CFAP54: variants seen among roughly 807,000 people sequenced by gnomAD.
CFAP54 encodes the protein cilia- and flagella-associated protein 54.
Under a neutral mutation model 370.4 loss-of-function variants are expected in CFAP54, and 290 were observed. The ratio of observed to expected loss-of-function variants is 0.78; its 90% CI spans 0.71 to 0.86. The LOEUF (loss-of-function observed/expected upper bound fraction) is 0.86, where lower values mean the gene tolerates loss of function less well. Among genes scored for constraint, CFAP54 ranks in the 40% least tolerant of loss-of-function variants. The pLI is 0.00. For missense variants in CFAP54, 3,399 were observed against 3,528.7 expected (o/e 0.96, Z 0.93); for synonymous variants, 1,206 against 1,236.5 (o/e 0.98, Z 0.52).
intron 19 of CFAP54, among the ~76,000 whole-genome samples, chr12:96,566,354 A>G (rs530606226): frequency 1.3e-5 from 2 of 152,284 alleles, no homozygotes; most frequent in East Asian, 3.9e-4. Context: ...GGCCAGCATC[A>G]CTAAGTTCTA....
intron 50 of CFAP54, among the ~76,000 whole-genome samples, chr12:96,727,858 T>G (rs1453705366): frequency 1.3e-5 from 2 of 151,620 alleles, no homozygotes; most frequent in South Asian, 2.1e-4. Context: ...AGGAGCTCTT[T>G]TAGGGCAGGC....
In CFAP54 at chr12:96,664,799, A is replaced by ATG. The variant is rs1565934601; in HGVS notation, c.5563+868_5563+869insGT. Among the ~76,000 whole-genome samples the ATG allele has an allele frequency of 0.012, 304 of 25,084 alleles. 41 individuals are homozygous for ATG. In the South Asian group the frequency reaches 0.22, roughly 18 times the overall value. The allele number at this position is 25,084 out of a possible 152,430, so 16.5% of individuals were successfully genotyped here. ...TATCTATATATATATATATATATAT[A>ATG]TATATATATATATAGATATATATAT... On this transcript the variant is annotated intron_variant, in intron 39 of 67. Transcript: ENST00000524981.
intron 50 of CFAP54, among the ~76,000 whole-genome samples, chr12:96,733,058 A>G (rs183027065): frequency 1.4e-3 from 218 of 152,354 alleles, no homozygotes; most frequent in Non-Finnish European, 1.2e-3. Flanking sequence ...AAGGACTGTC[A>G]TAATAGAACT....
chr12:96,614,474 C>T (rs1447302736), intron 26 of CFAP54, among the ~76,000 whole-genome samples: 1 of 152,228 alleles, frequency 6.6e-6, no homozygotes, highest in African/African-American at 2.4e-5. Flanking sequence ...TGCCCTCTCT[C>T]ACCACACCTA....
chr12:96,572,935 A>G, intron 19 of CFAP54: 1 of 985,462 alleles, frequency 1.0e-6, no homozygotes, highest in South Asian at 4.7e-5. Context: ...AGAAGATGCA[A>G]GAATTAAGTC....
chr12:96,810,044 G>A (rs913465984), intron 63 of CFAP54, among the ~76,000 whole-genome samples: 5 of 152,098 alleles, frequency 3.3e-5, no homozygotes, highest in African/African-American at 9.7e-5. Flanking sequence ...GTTCAGCCGG[G>A]AGAGAGGAGG....
chr12:96,664,675 T>A (rs1957038919), intron 39 of CFAP54, among the ~76,000 whole-genome samples: 6 of 129,016 alleles, frequency 4.7e-5, no homozygotes, highest in African/African-American at 9.3e-5. Flanking sequence ...ATAGAACAAT[T>A]TATATTCCTT....
chr12:96,652,338 C>G (rs1263426973), intron 36 of CFAP54, among the ~76,000 whole-genome samples: 1 of 152,160 alleles, frequency 6.6e-6, no homozygotes, highest in Non-Finnish European at 1.5e-5. Context: ...CATGTTGTGC[C>G]ATGAGGCTTA....
At chr12:96,574,336 T>C (rs1249712017) in intron 19 of CFAP54, among the ~76,000 whole-genome samples, 3 of 152,074 alleles carry the variant, frequency 2.0e-5, no homozygotes, top group African/African-American at 7.2e-5. Flanking sequence ...GACAGACATA[T>C]TGTCTTTTCA....
chr12:96,704,502 T>TATATATA (rs1957527408), intron 46 of CFAP54, among the ~76,000 whole-genome samples: 1 of 100,440 alleles, frequency 1.0e-5, no homozygotes, highest in Non-Finnish European at 2.1e-5. Context: ...ATATATATAT[T>TATATATA]TAAAATACAT....
At chr12:96,723,994 C>A (rs1453114284) in intron 50 of CFAP54, among the ~76,000 whole-genome samples, 1 of 151,928 alleles carries the variant, frequency 6.6e-6, no homozygotes, top group Non-Finnish European at 1.5e-5. Context: ...CATGTCCCTA[C>A]AAAGGACATG....
chr12:96,592,781 A>T, intron 24 of CFAP54, 144 bp downstream of exon 24: 1 of 336,366 alleles, frequency 3.0e-6, no homozygotes. Flanking sequence ...ACTTTATGTG[A>T]TATTTCATAT....
chr12:96,837,528 T>C (rs1391603993), intron 66 of CFAP54, among the ~76,000 whole-genome samples: 2 of 152,268 alleles, frequency 1.3e-5, no homozygotes, highest in African/African-American at 2.4e-5. Context: ...ATTTGTCTCC[T>C]GTATAAGTGC....
At position 96,757,599 on chromosome 12, in the gene CFAP54, AT is replaced by A; in HGVS notation, c.8040+15del. On this transcript the variant is annotated intron_variant, in intron 58 of 67. Coordinates refer to ENST00000524981, the MANE Select transcript of CFAP54 (RefSeq NM_001306084.2). The stretch of plus-strand genomic sequence containing the variant: ...CCATTAACACTTAAGGTAAGAGTCT[AT>A]TTTATTAGAAATTATGAGTTAATTG... 6.7e-7 allele frequency: 1 copy of A among 1,498,964 alleles called. No homozygotes were observed. Among genetic ancestry groups the A allele is most frequent in the Non-Finnish European group, 9.2e-7 (1 of 1,089,848 alleles). The allele number at this position is 1,498,964 out of a possible 1,614,324, so 92.9% of individuals were successfully genotyped here.
intron 4 of CFAP54, among the ~76,000 whole-genome samples, 169 bp downstream of exon 4, chr12:96,507,268 T>G (rs999774178): frequency 2.6e-5 from 4 of 152,302 alleles, no homozygotes; most frequent in Non-Finnish European, 4.4e-5. Context: ...TAAATTGGGA[T>G]GGATAAAGCA....
At chr12:96,519,971 C>T (rs1196705170) in intron 6 of CFAP54, among the ~76,000 whole-genome samples, 1 of 152,138 alleles carries the variant, frequency 6.6e-6, no homozygotes. Context: ...AGTATGTACA[C>T]TCTTGTCTTG....
intron 66 of CFAP54, among the ~76,000 whole-genome samples, chr12:96,859,109 A>G (rs771287439): frequency 1.3e-5 from 2 of 152,202 alleles, no homozygotes; most frequent in South Asian, 2.1e-4. Flanking sequence ...CCACATACCT[A>G]TGACCATCTG....
In CFAP54 at chr12:96,871,614, C is replaced by A. The variant is rs1157826511; in HGVS notation, c.*15-3504C>A. Reference sequence around the variant, plus strand: ...AGGTATTAGAATTAGCAGATGGAGACTTTAAAATAACTATAATATACATGT... The same window carrying A: ...AGGTATTAGAATTAGCAGATGGAGAATTTAAAATAACTATAATATACATGT... On this transcript the variant is annotated intron_variant, in intron 67 of 67. Transcript: ENST00000524981. Among the ~76,000 whole-genome samples the A allele has an allele frequency of 2.6e-5, 4 of 151,946 alleles. No individual in the cohort carries two copies. In the East Asian group the frequency reaches 7.7e-4, roughly 29 times the overall value.
rs748595055 is a variant in CFAP54 at position 96,555,884 on chromosome 12, G to A, written c.2410+1082G>A. 7.3e-5 allele frequency among the ~76,000 whole-genome samples: 11 copies of A among 151,596 alleles called. No individual in the cohort carries two copies. The South Asian group carries it at 1.7e-3, about 23-fold the overall frequency. Reference sequence around the variant, plus strand: ...AAAAATTCCAGTAGGATTTTTTTGGGTAGACCTTTACAATCTTTTTACAAA... The same window carrying A: ...AAAAATTCCAGTAGGATTTTTTTGGATAGACCTTTACAATCTTTTTACAAA... On this transcript the variant is annotated intron_variant, in intron 17 of 67. Coordinates refer to ENST00000524981, the MANE Select transcript of CFAP54 (RefSeq NM_001306084.2).
Sources: allele counts gnomAD v4.1 joint callset (sites outside exome capture counted in the v4.1 genomes callset), GRCh38; gene constraint gnomAD v4.1.1; transcripts MANE v1.5; gene names NCBI Gene and HGNC (gene_info 2026-07-23, HGNC 2026-07-21).